Variants in TLCD4 observed in about 807,000 individuals in gnomAD.
TLCD4 encodes the protein TLC domain containing 4, also known as TLC domain-containing protein 4.
In TLCD4, 7 loss-of-function variants were observed where a neutral mutation model predicts 24.2. The observed-to-expected ratio is 0.29, with a 90% CI of 0.16 to 0.54. The LOEUF is 0.54. TLCD4 is among the 20% of genes least tolerant of loss of function. The probability of loss-of-function intolerance (pLI) is 0.95; values close to 1 mark genes in which losing one functional copy is unlikely to be tolerated. For synonymous variants in TLCD4, 103 were observed against 106.4 expected (o/e 0.97, Z 0.20); for missense variants, 259 against 313.9 (o/e 0.82, Z 1.32).
chr1:95,139,485 T>C (rs35975070), intron 1 of TLCD4, among the ~76,000 whole-genome samples: 56,527 of 119,784 alleles, frequency 0.47, 14,600 homozygotes, highest in Middle Eastern at 0.62. Context: ...TTTGAGACAG[T>C]TTCATTCTTG....
At chr1:95,170,056 A>G (rs549257284) in intron 5 of TLCD4, among the ~76,000 whole-genome samples, 6 of 152,352 alleles carry the variant, frequency 3.9e-5, no homozygotes, top group African/African-American at 1.4e-4. Context: ...TTAGGAACAC[A>G]TTAACTCGTA....
intron 6 of TLCD4, among the ~76,000 whole-genome samples, chr1:95,178,563 C>CTTTTTTTTT (rs57190787): frequency 6.1e-5 from 5 of 82,386 alleles, no homozygotes; most frequent in East Asian, 3.9e-4. Flanking sequence ...ATGCCCAGCC[C>CTTTTTTTTT]TTTTTTTTTT....
chr1:95,160,132 A>C (rs924588901), intron 5 of TLCD4, among the ~76,000 whole-genome samples: 6 of 152,276 alleles, frequency 3.9e-5, no homozygotes, highest in South Asian at 2.1e-4. Context: ...TTCTTCCTAC[A>C]CATGAGCATG....
intron 1 of TLCD4, among the ~76,000 whole-genome samples, chr1:95,133,592 G>C (rs1676961334): frequency 6.6e-6 from 1 of 152,156 alleles, no homozygotes; most frequent in South Asian, 2.1e-4. Flanking sequence ...TCATATGTTG[G>C]CTTCTACTTT....
chr1:95,190,092 CT>C (rs1398255275), intron 6 of TLCD4, among the ~76,000 whole-genome samples: 3 of 99,218 alleles, frequency 3.0e-5, no homozygotes, highest in Admixed American at 3.1e-4. Context: ...AAAATTTGCA[CT>C]TTCTTTTTTT....
chr1:95,143,925 C>A lies in TLCD4; in HGVS notation c.24C>A (p.Leu8=). MEINTKL[L]ISVTCISFFT... ...ATATGGAGATCAACACAAAACTGCT[C>A]ATCAGTGTTACCTGTATCAGCTTTT... The change falls in exon 2 of 7, where the codon CTC becomes CTA. Residue 8 remains leucine, a synonymous_variant. Transcript: ENST00000370203. The A allele has an allele frequency of 6.6e-7, 1 of 1,506,602 alleles. No individual in the cohort carries two copies. The highest frequency in any genetic ancestry group is 8.9e-7 in the Non-Finnish European group (1 of 1,128,888). The allele number at this position is 1,506,602 out of a possible 1,614,324, so 93.3% of individuals were successfully genotyped here.
At chr1:95,134,198 G>A (rs72722118) in intron 1 of TLCD4, among the ~76,000 whole-genome samples, 19,226 of 152,050 alleles carry the variant, frequency 0.13, 1,229 homozygotes, top group Middle Eastern at 0.16. Context: ...GGACTGAGTC[G>A]TCTAGGAGAT....
At chr1:95,167,924 C>T (rs1678076709) in intron 5 of TLCD4, among the ~76,000 whole-genome samples, 1 of 152,132 alleles carries the variant, frequency 6.6e-6, no homozygotes. Flanking sequence ...GTGTTGGCCC[C>T]CTGGACCCAC....
At chr1:95,139,943 C>A (rs1384443518) in intron 1 of TLCD4, among the ~76,000 whole-genome samples, 1 of 152,104 alleles carries the variant, frequency 6.6e-6, no homozygotes, top group Non-Finnish European at 1.5e-5. Context: ...TCTGTCAGAA[C>A]CATCAATATC....
At chr1:95,105,893 T>TCAAAAAAAAAAAAAAAAAAAAAA in the TLCD4 span, among the ~76,000 whole-genome samples, 24 of 102,872 alleles carry the variant, frequency 2.3e-4, 1 homozygote, top group Non-Finnish European at 3.6e-4. Flanking sequence ...AGACTCCGTC[T>TCAAAAAAAAAAAAAAAAAAAAAA]TAAAAAAAAA....
chr1:95,138,118 ACCT>A (rs1677098491), intron 1 of TLCD4, among the ~76,000 whole-genome samples: 1 of 152,022 alleles, frequency 6.6e-6, no homozygotes, highest in Admixed American at 6.6e-5. Flanking sequence ...ACTTTTGGAT[ACCT>A]CCTCACTATT....
chr1:95,092,801 C>G, the TLCD4 span, among the ~76,000 whole-genome samples: 12 of 152,236 alleles, frequency 7.9e-5, no homozygotes, highest in African/African-American at 2.9e-4. Flanking sequence ...TCCAGACACA[C>G]TACCTTGGCT....
At position 95,195,972 on chromosome 1, in the gene TLCD4, G is replaced by A. The variant is rs541661083; in HGVS notation, c.*4104G>A. On this transcript the variant is annotated 3_prime_UTR_variant, in exon 7 of 7. Transcript: ENST00000370203. Reference sequence around the variant, plus strand: ...TCCCCATGTATCTATAAGCTTCCCAGTCTCTTATGGCAAATTTAAAAGTTT... The same window carrying A: ...TCCCCATGTATCTATAAGCTTCCCAATCTCTTATGGCAAATTTAAAAGTTT... 6.6e-6 allele frequency: 1 copy of A among 152,144 alleles called. No homozygotes were observed. The highest frequency in any genetic ancestry group is 2.1e-4 in the South Asian group (1 of 4,830). 9.4% of individuals were successfully genotyped at this position (152,144 alleles called of 1,614,324 possible). A position where few individuals can be genotyped will look rare whatever the true frequency, so the allele number is the denominator to read the frequency against.
intron 6 of TLCD4, among the ~76,000 whole-genome samples, chr1:95,182,772 T>C (rs1254778015): frequency 2.0e-5 from 3 of 152,184 alleles, no homozygotes; most frequent in Non-Finnish European, 4.4e-5. Flanking sequence ...CATTGATTGA[T>C]ACTTGTCACG....
Position 95,191,921 on chromosome 1 carries a change from G to A in TLCD4, c.*53G>A. The A allele has an allele frequency of 1.3e-6, 2 of 1,554,320 alleles. No individual in the cohort carries two copies. The highest frequency in any genetic ancestry group is 2.3e-5 in the East Asian group (1 of 44,060). On this transcript the variant is annotated 3_prime_UTR_variant, in exon 7 of 7. Coordinates refer to ENST00000370203, the MANE Select transcript of TLCD4 (RefSeq NM_152487.3). Reference sequence around the variant, plus strand: ...TTACTACCCAGCATATCTGCTGATAGGATGAATTCTTGGCATGTTCTTGTG... The same window carrying A: ...TTACTACCCAGCATATCTGCTGATAAGATGAATTCTTGGCATGTTCTTGTG...
At chr1:95,107,637 C>A in the TLCD4 span, among the ~76,000 whole-genome samples, 1 of 151,992 alleles carries the variant, frequency 6.6e-6, no homozygotes, top group African/African-American at 2.4e-5. Context: ...TCTATGAAAA[C>A]CACTTATGAA....
At chr1:95,158,315 G>A (rs1277908531) in intron 5 of TLCD4, among the ~76,000 whole-genome samples, 1 of 150,810 alleles carries the variant, frequency 6.6e-6, no homozygotes, top group Non-Finnish European at 1.5e-5. Flanking sequence ...AGCCTCCTGA[G>A]TAGCTGAGAC....
intron 5 of TLCD4, among the ~76,000 whole-genome samples, chr1:95,154,275 C>T (rs920490789): frequency 6.6e-6 from 1 of 152,140 alleles, no homozygotes; most frequent in Non-Finnish European, 1.5e-5. Flanking sequence ...AAGCAGCTGG[C>T]CTGCCAATCC....
At chr1:95,146,519 C>G (rs1230006485) in intron 2 of TLCD4, among the ~76,000 whole-genome samples, 1 of 151,842 alleles carries the variant, frequency 6.6e-6, no homozygotes, top group Non-Finnish European at 1.5e-5. Flanking sequence ...CCTTTATATG[C>G]ACAAACATTT....
Sources: allele counts gnomAD v4.1 joint callset (sites outside exome capture counted in the v4.1 genomes callset), GRCh38; gene constraint gnomAD v4.1.1; transcripts MANE v1.5; gene names NCBI Gene and HGNC (gene_info 2026-07-23, HGNC 2026-07-21).